CNOT6L: variants seen among roughly 807,000 people sequenced by gnomAD.
The protein encoded by CNOT6L is CCR4-NOT transcription complex subunit 6-like.
CNOT6L carries 7 observed loss-of-function variants against 64.0 expected under a neutral mutation model. That is an observed-to-expected ratio of 0.11 (90% CI 0.06 to 0.21). The LOEUF (loss-of-function observed/expected upper bound fraction) is 0.21, where lower values mean the gene tolerates loss of function less well. Among genes scored for constraint, CNOT6L ranks in the 10% least tolerant of loss-of-function variants. The pLI, the probability that CNOT6L is intolerant of heterozygous loss-of-function variation, is 1.00. For synonymous variants in CNOT6L, 193 were observed against 243.4 expected (o/e 0.79, Z 1.93); for missense variants, 245 against 669.0 (o/e 0.37, Z 6.99).
rs773364833 is a variant in CNOT6L, at chr4:77,717,273, AT to A, written c.*3157del. ...GGATGCTGCAATATTCCCCATCAAA[AT>A]GTGTAAAGCTATGAGGTGGATACTG... On this transcript the variant is annotated 3_prime_UTR_variant, in exon 12 of 12. Transcript: ENST00000504123. The A allele has an allele frequency of 1.3e-5, 2 of 152,450 alleles. No individual in the cohort carries two copies. The highest frequency in any genetic ancestry group is 6.6e-5 in the Admixed American group (1 of 15,222). 9.4% of individuals were successfully genotyped at this position (152,450 alleles called of 1,614,324 possible).
chr4:77,720,711 T>A, intron 11 of CNOT6L, 68 bp from the exon 12 acceptor site: 1 of 1,531,274 alleles, frequency 6.5e-7, no homozygotes, highest in Admixed American at 1.9e-5. Flanking sequence ...CCATAATTTA[T>A]AAAAACCAAA....
chr4:77,757,063 A>T, intron 4 of CNOT6L, 112 bp from the exon 5 acceptor site: 5 of 528,210 alleles, frequency 9.5e-6, no homozygotes, highest in Non-Finnish European at 1.7e-5. Flanking sequence ...CTTAAATTGA[A>T]TTCTACTATA....
At chr4:77,723,447 TATATTTG>T (rs1208794584) in intron 11 of CNOT6L, among the ~76,000 whole-genome samples, 1 of 152,188 alleles carries the variant, frequency 6.6e-6, no homozygotes, top group African/African-American at 2.4e-5. Flanking sequence ...CATGGCATTT[TATATTTG>T]ATGTTACCTA....
At chr4:77,798,045 G>A (rs1486988800) in intron 1 of CNOT6L, among the ~76,000 whole-genome samples, 1 of 152,160 alleles carries the variant, frequency 6.6e-6, no homozygotes, top group East Asian at 1.9e-4. Flanking sequence ...AGGAAAATAG[G>A]CTAGGCATGG....
chr4:77,724,242 C>T, intron 11 of CNOT6L, among the ~76,000 whole-genome samples: 1 of 150,720 alleles, frequency 6.6e-6, no homozygotes, highest in African/African-American at 2.4e-5. Context: ...CCCAGCTACT[C>T]AACAGGCTGA....
chr4:77,804,421 C>T (rs563939984), intron 1 of CNOT6L, among the ~76,000 whole-genome samples: 1 of 149,876 alleles, frequency 6.7e-6, no homozygotes, highest in East Asian at 1.9e-4. Context: ...GCAGCAAGAC[C>T]CCATCTCAAA....
At chr4:77,778,306 A>G (rs1194102497) in intron 1 of CNOT6L, among the ~76,000 whole-genome samples, 1 of 152,216 alleles carries the variant, frequency 6.6e-6, no homozygotes, top group East Asian at 1.9e-4. Flanking sequence ...AATCAAATAG[A>G]TCTAGATCCA....
At chr4:77,789,190 T>C (rs1226919079) in intron 1 of CNOT6L, among the ~76,000 whole-genome samples, 1 of 152,112 alleles carries the variant, frequency 6.6e-6, no homozygotes, top group African/African-American at 2.4e-5. Flanking sequence ...TAGCTAATCA[T>C]ACAGCTCTTA....
chr4:77,750,438 G>A (rs1226026215), intron 5 of CNOT6L, among the ~76,000 whole-genome samples: 2 of 151,926 alleles, frequency 1.3e-5, no homozygotes, highest in African/African-American at 2.4e-5. Context: ...TGCAAGTTCC[G>A]CCTCCCGGGT....
intron 4 of CNOT6L, among the ~76,000 whole-genome samples, chr4:77,766,623 A>C (rs1029781799): frequency 6.6e-6 from 1 of 152,000 alleles, no homozygotes; most frequent in Admixed American, 6.5e-5. Flanking sequence ...ACAAGTTTTT[A>C]GAAGAATGAG....
At chr4:77,751,363 A>C (rs528216531) in intron 5 of CNOT6L, among the ~76,000 whole-genome samples, 1 of 152,302 alleles carries the variant, frequency 6.6e-6, no homozygotes, top group South Asian at 2.1e-4. Context: ...AAACAGACTG[A>C]AACAAATGAA....
At chr4:77,784,169 A>T (rs1729190764) in intron 1 of CNOT6L, among the ~76,000 whole-genome samples, 1 of 152,142 alleles carries the variant, frequency 6.6e-6, no homozygotes, top group Non-Finnish European at 1.5e-5. Flanking sequence ...GGAGAAAGAA[A>T]TCGAATACAA....
chr4:77,797,496 G>A (rs1274778552), intron 1 of CNOT6L, among the ~76,000 whole-genome samples: 1 of 152,096 alleles, frequency 6.6e-6, no homozygotes, highest in Non-Finnish European at 1.5e-5. Context: ...TAGTCAATCA[G>A]TATCTATCTC....
intron 4 of CNOT6L, among the ~76,000 whole-genome samples, chr4:77,763,896 T>C (rs148664685): frequency 5.8e-4 from 88 of 152,314 alleles, no homozygotes; most frequent in African/African-American, 1.9e-3. Flanking sequence ...TCAAGGAAGA[T>C]ATAATAACCC....
chr4:77,739,301 G>A (rs1327668890), intron 8 of CNOT6L, among the ~76,000 whole-genome samples: 1 of 152,204 alleles, frequency 6.6e-6, no homozygotes, highest in African/African-American at 2.4e-5. Flanking sequence ...GAAAGAGACT[G>A]AGAGTAAGTA....
At chr4:77,799,433 G>T (rs1013021285) in intron 1 of CNOT6L, among the ~76,000 whole-genome samples, 2 of 151,980 alleles carry the variant, frequency 1.3e-5, no homozygotes, top group African/African-American at 4.8e-5. Context: ...GGATGGGTGT[G>T]GTGGTTCACG....
intron 7 of CNOT6L, among the ~76,000 whole-genome samples, chr4:77,743,468 CT>C (rs1294912243): frequency 6.6e-6 from 1 of 150,946 alleles, no homozygotes; most frequent in Admixed American, 6.6e-5. Context: ...AAGATTTTTA[CT>C]TTTTTCCCAA....
intron 5 of CNOT6L, among the ~76,000 whole-genome samples, chr4:77,753,958 T>C (rs1215121251): frequency 6.7e-6 from 1 of 149,932 alleles, no homozygotes; most frequent in Non-Finnish European, 1.5e-5. Context: ...ACTTCCTTCA[T>C]CTGATGAAGT....
At chr4:77,735,466 T>C (rs902864355) in intron 8 of CNOT6L, among the ~76,000 whole-genome samples, 11 of 152,132 alleles carry the variant, frequency 7.2e-5, no homozygotes, top group African/African-American at 2.7e-4. Flanking sequence ...TTTTCTCTAC[T>C]CCAATATTTA....
Sources: allele counts gnomAD v4.1 joint callset (sites outside exome capture counted in the v4.1 genomes callset), GRCh38; gene constraint gnomAD v4.1.1; transcripts MANE v1.5; gene names NCBI Gene and HGNC (gene_info 2026-07-23, HGNC 2026-07-21).